The following XRCC4 variants were observed in gnomAD, a reference collection of about 807,000 sequenced individuals.
XRCC4 encodes the protein DNA repair protein XRCC4.
In XRCC4, 28 loss-of-function variants were observed where a neutral mutation model predicts 39.1. The observed-to-expected ratio is 0.72, with a 90% CI of 0.53 to 0.98. The LOEUF is 0.98. Among genes scored for constraint, XRCC4 ranks in the 50% least tolerant of loss-of-function variants. The probability of loss-of-function intolerance (pLI) is 0.00; values close to 1 mark genes in which losing one functional copy is unlikely to be tolerated. For synonymous variants in XRCC4, 123 were observed against 126.4 expected, an observed-to-expected ratio of 0.97 and a Z score of 0.18; for missense variants, 350 against 376.4, an observed-to-expected ratio of 0.93 and a Z score of 0.58.
At chr5:83,115,492 A>C (rs542028201) in intron 3 of XRCC4, among the ~76,000 whole-genome samples, 2 of 152,344 alleles carry the variant, frequency 1.3e-5, no homozygotes, top group Non-Finnish European at 2.9e-5. Context: ...CAGCCAAACC[A>C]TATCAGCCTG....
chr5:83,155,368 T>C (rs1748909822), intron 3 of XRCC4, among the ~76,000 whole-genome samples: 1 of 152,196 alleles, frequency 6.6e-6, no homozygotes, highest in Non-Finnish European at 1.5e-5. Context: ...GAGCAAATCA[T>C]ATACAAAACT....
intron 7 of XRCC4, among the ~76,000 whole-genome samples, chr5:83,326,552 T>G (rs1358789020): frequency 6.6e-6 from 1 of 152,050 alleles, no homozygotes; most frequent in Admixed American, 6.6e-5. Flanking sequence ...ATGGGAAAAT[T>G]TGTTTGGGAT....
At chr5:83,097,350 GT>G (rs5869160) in intron 1 of XRCC4, among the ~76,000 whole-genome samples, 59,261 of 142,602 alleles carry the variant, frequency 0.42, 12,244 homozygotes, top group African/African-American at 0.49. Flanking sequence ...TATAGGTTTT[GT>G]TTTTTTTTTT....
chr5:83,270,793 A>AT (rs5869174), intron 7 of XRCC4, among the ~76,000 whole-genome samples: 125,918 of 144,112 alleles, frequency 0.87, 55,558 homozygotes, highest in South Asian at 0.93. Context: ...ATATGTATAT[A>AT]TTTTTTTTTT....
chr5:83,112,881 A>G (rs1331257360), intron 3 of XRCC4, among the ~76,000 whole-genome samples: 2 of 152,158 alleles, frequency 1.3e-5, no homozygotes, highest in Admixed American at 1.3e-4. Flanking sequence ...GAATTATGAG[A>G]ACTACAATTG....
At chr5:83,262,105 GTGCTTTA>G (rs1753773688) in intron 7 of XRCC4, among the ~76,000 whole-genome samples, 1 of 152,080 alleles carries the variant, frequency 6.6e-6, no homozygotes, top group Admixed American at 6.6e-5. Flanking sequence ...ATTTTGATAA[GTGCTTTA>G]TATGTTATCT....
chr5:83,272,815 C>G (rs1473746832), intron 7 of XRCC4, among the ~76,000 whole-genome samples: 1 of 152,126 alleles, frequency 6.6e-6, no homozygotes, highest in Non-Finnish European at 1.5e-5. Context: ...TTTTCTTTAT[C>G]CAGTCTGTCA....
intron 6 of XRCC4, among the ~76,000 whole-genome samples, chr5:83,208,310 T>C (rs1012846004): frequency 6.6e-6 from 1 of 152,044 alleles, no homozygotes; most frequent in Non-Finnish European, 1.5e-5. Flanking sequence ...TAGTTATGCT[T>C]GTTTTTACCT....
At chr5:83,106,991 A>AT (rs1746231154) in intron 2 of XRCC4, among the ~76,000 whole-genome samples, 1 of 151,978 alleles carries the variant, frequency 6.6e-6, no homozygotes, top group Admixed American at 6.6e-5. Context: ...TCTACCATTT[A>AT]TTTTTTAGCT....
At chr5:83,300,053 C>T (rs776763689) in intron 7 of XRCC4, among the ~76,000 whole-genome samples, 8 of 152,170 alleles carry the variant, frequency 5.3e-5, no homozygotes, top group African/African-American at 1.2e-4. Context: ...CTGCTTTGTA[C>T]GTACACTATG....
At chr5:83,123,699 C>A (rs1022455459) in intron 3 of XRCC4, among the ~76,000 whole-genome samples, 3 of 151,696 alleles carry the variant, frequency 2.0e-5, no homozygotes. Flanking sequence ...CATCTTTATG[C>A]TATTTTTATG....
At chr5:83,267,318 C>T (rs1263057730) in intron 7 of XRCC4, among the ~76,000 whole-genome samples, 1 of 152,044 alleles carries the variant, frequency 6.6e-6, no homozygotes, top group Admixed American at 6.5e-5. Context: ...AATTGAACCC[C>T]ATCCACAGCA....
At chr5:83,367,689 A>G in the XRCC4 span, among the ~76,000 whole-genome samples, 7,887 of 151,922 alleles carry the variant, frequency 0.052, 317 homozygotes, top group Non-Finnish European at 0.074. Flanking sequence ...TGATCTTCAT[A>G]TTCTGAATCC....
chr5:83,229,798 C>A (rs921230424), intron 6 of XRCC4, among the ~76,000 whole-genome samples: 1 of 149,558 alleles, frequency 6.7e-6, no homozygotes, highest in African/African-American at 2.5e-5. Context: ...CAGTTTCAGT[C>A]TCATTAAATA....
intron 1 of XRCC4, among the ~76,000 whole-genome samples, chr5:83,098,401 C>G (rs1401478633): frequency 1.3e-5 from 2 of 151,980 alleles, no homozygotes; most frequent in African/African-American, 4.8e-5. Context: ...TTTTCTAGGT[C>G]TTGGGACTTT....
At chr5:83,264,856 G>C (rs1290673177) in intron 7 of XRCC4, among the ~76,000 whole-genome samples, 1 of 152,150 alleles carries the variant, frequency 6.6e-6, no homozygotes, top group African/African-American at 2.4e-5. Context: ...TATAGAGAGA[G>C]TTATACATGG....
chr5:83,165,328 T>A (rs1749412465), intron 3 of XRCC4, among the ~76,000 whole-genome samples: 1 of 152,198 alleles, frequency 6.6e-6, no homozygotes, highest in Non-Finnish European at 1.5e-5. Flanking sequence ...CATTGATTTA[T>A]ATATTATAGA....
chr5:83,100,357 C>T (rs1273065894), intron 1 of XRCC4, among the ~76,000 whole-genome samples: 1 of 151,974 alleles, frequency 6.6e-6, no homozygotes, highest in Admixed American at 6.6e-5. Flanking sequence ...CCCCAGATGT[C>T]TTTTTAACAT....
chr5:83,150,360 T>A lies in XRCC4; in HGVS notation c.315+39157T>A, dbSNP rs186152749. 8.6e-4 allele frequency among the ~76,000 whole-genome samples: 131 copies of A among 152,266 alleles called. No individual in the cohort carries two copies. In the Middle Eastern group the frequency reaches 0.01, roughly 12 times the overall value. ...GTGTATTCCTTTTTTGGGGGAAGCT[T>A]CTTAATGTTAAAAGCTTCCTAAGCA... is the stretch of plus-strand genomic sequence containing the variant. On this transcript the variant is annotated intron_variant, in intron 3 of 7. Coordinates refer to ENST00000396027, the MANE Select transcript of XRCC4 (RefSeq NM_003401.5).
Sources: gnomAD v4.1 joint callset for allele counts (sites outside exome capture counted in the v4.1 genomes callset) on GRCh38, gnomAD v4.1.1 for gene constraint, MANE v1.5 for transcripts, NCBI Gene and HGNC (gene_info 2026-07-23, HGNC 2026-07-21) for gene names.